Variants in CNTRL observed in about 807,000 individuals in gnomAD.
The protein encoded by CNTRL is 110 kDa centrosomal protein.
In CNTRL, 233 loss-of-function variants were observed where a neutral mutation model predicts 303.7. That is an observed-to-expected ratio of 0.77 (90% CI 0.69 to 0.86). The LOEUF is 0.86. Ranked by LOEUF, CNTRL falls within the 40% of genes least tolerant of loss-of-function variation. The pLI, the probability that CNTRL is intolerant of heterozygous loss-of-function variation, is 0.00. For missense variants in CNTRL, 2,524 were observed against 2,650.6 expected (o/e 0.95, Z 1.05); for synonymous variants, 900 against 922.2 (o/e 0.98, Z 0.44).
Position 121,077,799 on chromosome 9 carries a change from A to T in CNTRL, c.-204-2507A>T, listed in dbSNP as rs904820135. ...CCATCTCTACAAAAAATAAAAAATT[A>T]GCCAAGCGTGGTTATATGCGCCTGT... is the stretch of plus-strand genomic sequence containing the variant. On this transcript the variant is annotated intron_variant, in intron 1 of 43. Coordinates refer to ENST00000373855, the MANE Select transcript of CNTRL (RefSeq NM_007018.6). Among the ~76,000 whole-genome samples, 7 of 121,728 alleles carry T rather than the reference A, an allele frequency of 5.8e-5. No individual in the cohort carries two copies. In the Admixed American group the frequency reaches 6.4e-4, roughly 11 times the overall value. The allele number at this position is 121,728 out of a possible 152,430, so 79.9% of individuals were successfully genotyped here. A position where few individuals can be genotyped will look rare whatever the true frequency, so the allele number is the denominator to read the frequency against.
intron 4 of CNTRL, among the ~76,000 whole-genome samples, chr9:121,091,065 G>A (rs1025017505): frequency 6.6e-6 from 1 of 152,152 alleles, no homozygotes; most frequent in African/African-American, 2.4e-5. Context: ...GGAAGGACCT[G>A]CCCCCATGAT....
chr9:121,168,942 T>A (rs2053198828), intron 38 of CNTRL, among the ~76,000 whole-genome samples: 1 of 152,188 alleles, frequency 6.6e-6, no homozygotes, highest in Non-Finnish European at 1.5e-5. Flanking sequence ...CCAGACCCAA[T>A]CATTTCATTA....
intron 2 of CNTRL, among the ~76,000 whole-genome samples, chr9:121,081,274 C>G (rs751791142): frequency 1.3e-5 from 2 of 152,302 alleles, no homozygotes; most frequent in Non-Finnish European, 2.9e-5. Context: ...ATGAAAAACT[C>G]AAAATGTTCT....
intron 6 of CNTRL, among the ~76,000 whole-genome samples, chr9:121,096,885 G>C (rs888635447): frequency 6.6e-6 from 1 of 151,964 alleles, no homozygotes; most frequent in Non-Finnish European, 1.5e-5. Flanking sequence ...AGCAAGTAAG[G>C]TCTAGGACAG....
At chr9:121,083,874 G>A (rs917717128) in intron 2 of CNTRL, among the ~76,000 whole-genome samples, 1 of 151,918 alleles carries the variant, frequency 6.6e-6, no homozygotes, top group African/African-American at 2.4e-5. Flanking sequence ...ATAATCTTAC[G>A]GGACCACTGT....
intron 25 of CNTRL, chr9:121,152,028 A>G (rs3747843): frequency 0.45 from 71,324 of 156,908 alleles, 18,260 homozygotes; most frequent in South Asian, 0.78. Flanking sequence ...GGCTGTTTAT[A>G]TAGTTTCTCA....
chr9:121,091,730 G>A (rs1404124573), intron 4 of CNTRL, among the ~76,000 whole-genome samples: 1 of 151,832 alleles, frequency 6.6e-6, no homozygotes, highest in African/African-American at 2.4e-5. Flanking sequence ...TGTAATCCCA[G>A]CTACTCAGGA....
chr9:121,136,734 A>G (rs958750346), intron 15 of CNTRL, among the ~76,000 whole-genome samples: 1 of 152,230 alleles, frequency 6.6e-6, no homozygotes, highest in Non-Finnish European at 1.5e-5. Context: ...ATATTTATTG[A>G]TTGGCCATTG....
At position 121,141,351 on chromosome 9, in the gene CNTRL, A is replaced by G. The variant is rs374215759; in HGVS notation, c.2484-30A>G. The G allele has an allele frequency of 3.4e-5, 52 of 1,543,314 alleles. No homozygotes were observed. In the Middle Eastern group the frequency reaches 1.7e-3, roughly 50 times the overall value. On this transcript the variant is annotated intron_variant, in intron 17 of 43. Coordinates refer to ENST00000373855, the MANE Select transcript of CNTRL (RefSeq NM_007018.6). ...GCCAGCATCAAAAATTAAATGTCAC[A>G]TTTATACCATTTTTCCCCCTCCTTA...
At chr9:121,078,472 C>T (rs2048016518) in intron 1 of CNTRL, among the ~76,000 whole-genome samples, 1 of 152,166 alleles carries the variant, frequency 6.6e-6, no homozygotes, top group Non-Finnish European at 1.5e-5. Context: ...ACTATACGCT[C>T]ACAACATGAT....
intron 8 of CNTRL, chr9:121,111,120 T>G (rs1487960236): frequency 6.6e-6 from 1 of 152,120 alleles, no homozygotes; most frequent in Non-Finnish European, 1.5e-5. Context: ...ACTCGGAGAC[T>G]TATGATCATT....
intron 15 of CNTRL, 93 bp from the exon 16 acceptor site, chr9:121,138,452 G>GGATTGT (rs2051316080): frequency 3.9e-6 from 5 of 1,271,470 alleles, no homozygotes; most frequent in Non-Finnish European, 5.5e-6. Flanking sequence ...AGCTAGCAAG[G>GGATTGT]GATTGTGTGT....
chr9:121,164,492 T>C (rs543957421), intron 34 of CNTRL, among the ~76,000 whole-genome samples: 8 of 152,352 alleles, frequency 5.3e-5, no homozygotes, highest in Admixed American at 1.3e-4. Context: ...AGTATTGATA[T>C]ACACAACATG....
chr9:121,103,633 T>A (rs2049298110), intron 7 of CNTRL, among the ~76,000 whole-genome samples: 1 of 151,924 alleles, frequency 6.6e-6, no homozygotes, highest in African/African-American at 2.4e-5. Context: ...TGGGAGAAAA[T>A]TTTTGCAATG....
Position 121,141,962 on chromosome 9 carries a change from T to C in CNTRL, c.2692-129T>C, listed in dbSNP as rs1218569774. On this transcript the variant is annotated intron_variant, in intron 18 of 43. Transcript: ENST00000373855. ...AGATCGTTCAAGATAAAACCATTCC[T>C]GACAACTCATTAGTAAAAAATTAAG... The C allele has an allele frequency of 5.6e-6, 4 of 715,766 alleles. No homozygotes were observed. The Admixed American group carries it at 1.2e-4, about 22-fold the overall frequency. The allele number at this position is 715,766 out of a possible 1,614,324, so 44.3% of individuals were successfully genotyped here. A position where few individuals can be genotyped will look rare whatever the true frequency, so the allele number is the denominator to read the frequency against.
At chr9:121,079,956 C>T (rs866601474) in intron 1 of CNTRL, among the ~76,000 whole-genome samples, 44 of 152,196 alleles carry the variant, frequency 2.9e-4, no homozygotes, top group Middle Eastern at 3.4e-3. Context: ...CTCCACCTCC[C>T]CAGTTCAAGT....
chr9:121,077,910 C>G (rs1016617822), intron 1 of CNTRL, among the ~76,000 whole-genome samples: 3 of 152,176 alleles, frequency 2.0e-5, no homozygotes, highest in Non-Finnish European at 4.4e-5. Flanking sequence ...CATGCCACTA[C>G]ACTCCAGCCT....
chr9:121,152,214 G>A (rs1477501857), intron 25 of CNTRL: 8 of 371,330 alleles, frequency 2.2e-5, no homozygotes, highest in Admixed American at 4.1e-5. Context: ...TCTTCTGCTA[G>A]ACCCCGAACT....
At chr9:121,145,412 C>T in intron 22 of CNTRL, 27 bp downstream of exon 22, 1 of 1,576,810 alleles carries the variant, frequency 6.3e-7, no homozygotes, top group Non-Finnish European at 8.6e-7. Context: ...TGATTTTTGG[C>T]AGTGGTTTTG....
Sources: allele counts gnomAD v4.1 joint callset (sites outside exome capture counted in the v4.1 genomes callset), GRCh38; gene constraint gnomAD v4.1.1; transcripts MANE v1.5; gene names NCBI Gene and HGNC (gene_info 2026-07-23, HGNC 2026-07-21).